The following NFATC1 variants were observed in gnomAD, a reference collection of about 807,000 sequenced individuals.
The protein encoded by NFATC1 is nuclear factor of activated T-cells, cytoplasmic 1.
In NFATC1, 22 loss-of-function variants were observed where a neutral mutation model predicts 76.0. The observed-to-expected ratio is 0.29, with a 90% CI of 0.21 to 0.41. The LOEUF (loss-of-function observed/expected upper bound fraction) is 0.41. Ranked by LOEUF, NFATC1 falls within the 10% of genes least tolerant of loss-of-function variation. NFATC1 has a pLI of 1.00. For synonymous variants in NFATC1, 704 were observed against 613.1 expected (o/e 1.15, Z -2.19); for missense variants, 1,357 against 1,337.7 (o/e 1.01, Z -0.23).
intron 6 of NFATC1, among the ~76,000 whole-genome samples, chr18:79,460,557 G>A (rs1162748689): frequency 6.6e-6 from 1 of 152,208 alleles, no homozygotes; most frequent in East Asian, 1.9e-4. Flanking sequence ...ACACCTCTGG[G>A]AGCCTTTTTA....
intron 9 of NFATC1, among the ~76,000 whole-genome samples, chr18:79,520,382 G>A (rs901014895): frequency 2.0e-5 from 3 of 152,044 alleles, no homozygotes; most frequent in Non-Finnish European, 2.9e-5. Flanking sequence ...AGTGGAAGGC[G>A]AGTGGCAGCT....
Position 79,467,576 on chromosome 18 carries a change from G to C in NFATC1, c.2086G>C (p.Ala696Pro). 2 of 1,613,876 alleles carry C rather than the reference G, an allele frequency of 1.2e-6. No homozygotes were observed. Among genetic ancestry groups the C allele is most frequent in the African/African-American group, 2.7e-5 (2 of 75,014 alleles). The change falls in exon 8 of 10, where the codon GCC (alanine) becomes CCC (proline). Residue 696 changes from alanine to proline, a missense_variant. Ala to Pro is a conservative substitution (Grantham distance 27, BLOSUM62 -1). This residue lies in a region of NFATC1 where 424 missense variants were observed against 395.4 expected (regional missense o/e 1.07). Transcript: ENST00000427363. ...GTACCAGCGTTTCACCTACCTTCCCGCCAACGGTAACGCCATCTTTCTAAC... is the reference window on the plus strand; with the variant it reads ...GTACCAGCGTTTCACCTACCTTCCCCCCAACGGTAACGCCATCTTTCTAAC... The part of the protein sequence containing the change: ...SQYQRFTYLP[A>P]NVPIIKTEPT...
At chr18:79,485,091 G>A (rs1194958447) in intron 8 of NFATC1, among the ~76,000 whole-genome samples, 3 of 152,252 alleles carry the variant, frequency 2.0e-5, no homozygotes, top group Non-Finnish European at 4.4e-5. Flanking sequence ...GGTGGCGACT[G>A]TTTGCACCGG....
chr18:79,486,147 A>C, intron 8 of NFATC1, 101 bp from the exon 9 acceptor site: 34 of 955,876 alleles, frequency 3.6e-5, no homozygotes, highest in Non-Finnish European at 4.6e-5. Context: ...GGACCCAGTC[A>C]GGGCCCTGTT....
intron 8 of NFATC1, among the ~76,000 whole-genome samples, chr18:79,471,945 A>G (rs893971729): frequency 6.6e-6 from 1 of 152,206 alleles, no homozygotes; most frequent in Non-Finnish European, 1.5e-5. Flanking sequence ...TGGCCCTGCA[A>G]CGATGACCTA....
chr18:79,420,380 G>A (rs1243373113), intron 2 of NFATC1, among the ~76,000 whole-genome samples: 1 of 139,594 alleles, frequency 7.2e-6, no homozygotes, highest in Non-Finnish European at 1.5e-5. Context: ...CAGAGAGGAA[G>A]GAGGGTCGCG....
At chr18:79,415,596 C>T (rs2085850862) in intron 2 of NFATC1, among the ~76,000 whole-genome samples, 1 of 151,892 alleles carries the variant, frequency 6.6e-6, no homozygotes, top group Non-Finnish European at 1.5e-5. Context: ...AATTCAATTT[C>T]TACACATGAA....
At chr18:79,451,908 G>C (rs55953864) in intron 6 of NFATC1, 92 bp downstream of exon 6, 5 of 1,464,890 alleles carry the variant, frequency 3.4e-6, no homozygotes, top group Non-Finnish European at 4.6e-6. Context: ...ACCTGTGCAC[G>C]GTCACCGGGA....
chr18:79,433,875 T>G, intron 3 of NFATC1, 137 bp downstream of exon 3: 1 of 1,022,286 alleles, frequency 9.8e-7, no homozygotes, highest in Non-Finnish European at 1.4e-6. Flanking sequence ...CCCGGGCGGC[T>G]GCTCACCGCC....
intron 9 of NFATC1, among the ~76,000 whole-genome samples, chr18:79,526,468 G>A (rs1390119600): frequency 1.3e-5 from 2 of 152,190 alleles, no homozygotes; most frequent in African/African-American, 4.8e-5. Context: ...GGACAGAGTC[G>A]GGACCTTCTG....
At chr18:79,495,487 T>C (rs578248464) in intron 9 of NFATC1, among the ~76,000 whole-genome samples, 85 of 152,374 alleles carry the variant, frequency 5.6e-4, no homozygotes, top group African/African-American at 1.9e-3. Context: ...TTAGCTTGTT[T>C]CGGCGTTAAG....
chr18:79,414,365 T>C (rs1390515509), intron 2 of NFATC1, among the ~76,000 whole-genome samples: 1 of 152,240 alleles, frequency 6.6e-6, no homozygotes, highest in Non-Finnish European at 1.5e-5. Flanking sequence ...CCATTAATCC[T>C]GTCCCTATGC....
intron 6 of NFATC1, among the ~76,000 whole-genome samples, chr18:79,457,451 G>A (rs2087795894): frequency 6.6e-6 from 1 of 152,208 alleles, no homozygotes; most frequent in Non-Finnish European, 1.5e-5. Context: ...CAGGAGGAGG[G>A]GCCGGGCTTC....
chr18:79,473,545 CGTA>C (rs1272171184), intron 8 of NFATC1, among the ~76,000 whole-genome samples: 2 of 149,962 alleles, frequency 1.3e-5, no homozygotes, highest in Non-Finnish European at 3.0e-5. Flanking sequence ...TCACTGTCGA[CGTA>C]AACCTGAGGG....
At chr18:79,430,114 C>T (rs1364903984) in intron 2 of NFATC1, among the ~76,000 whole-genome samples, 1 of 152,208 alleles carries the variant, frequency 6.6e-6, no homozygotes, top group Non-Finnish European at 1.5e-5. Context: ...ACAAAATGGC[C>T]TAAGGACGCG....
At chr18:79,467,333 A>G in intron 7 of NFATC1, 117 bp from the exon 8 acceptor site, 1 of 991,302 alleles carries the variant, frequency 1.0e-6, no homozygotes, top group Non-Finnish European at 1.4e-6. Flanking sequence ...CGCCGTGGAA[A>G]CGCGGGGTTG....
At position 79,461,379 on chromosome 18, in the gene NFATC1, G is replaced by T. The variant is rs759079838; in HGVS notation, c.1959+13G>T. 6 of 1,614,086 alleles carry T rather than the reference G, an allele frequency of 3.7e-6. 1 individual carries two copies. In the South Asian group the frequency reaches 6.6e-5, roughly 18 times the overall value. On this transcript the variant is annotated intron_variant, in intron 7 of 9. Coordinates refer to ENST00000427363, the MANE Select transcript of NFATC1 (RefSeq NM_001278669.2). Reference sequence around the variant, plus strand: ...CCTGTGCAAGCCGGTGAGTGCCTTTGGCGCAGCTGGAGCTACTGTGGGTCC... The same window carrying T: ...CCTGTGCAAGCCGGTGAGTGCCTTTTGCGCAGCTGGAGCTACTGTGGGTCC...
chr18:79,418,591 C>T (rs909950840), intron 2 of NFATC1, among the ~76,000 whole-genome samples: 1 of 152,216 alleles, frequency 6.6e-6, no homozygotes, highest in Admixed American at 6.5e-5. Context: ...GTCCTTGGAG[C>T]CACAGCTCCC....
chr18:79,470,701 C>T (rs147446309), intron 8 of NFATC1: 2 of 152,406 alleles, frequency 1.3e-5, no homozygotes, highest in East Asian at 1.9e-4. Context: ...ATGACTCGGC[C>T]GAAGATGAGC....
Sources: gnomAD v4.1 joint callset for allele counts (sites outside exome capture counted in the v4.1 genomes callset) on GRCh38, gnomAD v4.1.1 for gene constraint, gnomAD v4.1.1 regional missense constraint, MANE v1.5 for transcripts, NCBI Gene and HGNC (gene_info 2026-07-23, HGNC 2026-07-21) for gene names.